The following DACH2 variants were observed in gnomAD, a reference collection of about 807,000 sequenced individuals.
DACH2 encodes dachshund homolog 2.
A neutral mutation model predicts 35.8 loss-of-function variants in DACH2; 17 were observed. That is an observed-to-expected ratio of 0.48 (90% CI 0.33 to 0.71). The LOEUF is 0.71. Among genes scored for constraint, DACH2 ranks in the 30% least tolerant of loss-of-function variants. The pLI, the probability that DACH2 is intolerant of heterozygous loss-of-function variation, is 0.02. For synonymous variants in DACH2, 195 were observed against 177.3 expected, an observed-to-expected ratio of 1.10 and a Z score of -0.79; for missense variants, 469 against 472.7, an observed-to-expected ratio of 0.99 and a Z score of 0.07.
intron 2 of DACH2, among the ~76,000 whole-genome samples, chrX:86,434,251 A>G (rs2037030981): frequency 8.9e-6 from 1 of 111,846 alleles, no homozygotes; most frequent in East Asian, 2.8e-4. Context: ...TACATGAGAT[A>G]TTTTGATATG....
At chrX:86,263,062 GA>G (rs1041521898) in intron 1 of DACH2, 2 of 647,274 alleles carry the variant, frequency 3.1e-6, no homozygotes, top group Non-Finnish European at 3.7e-6. Flanking sequence ...AGAAAAAGGA[GA>G]AAAAAGCATC....
chrX:86,565,708 A>T (rs1220308021), intron 3 of DACH2, among the ~76,000 whole-genome samples: 1 of 111,997 alleles, frequency 8.9e-6, no homozygotes, highest in African/African-American at 3.2e-5. Flanking sequence ...AGGTATGGAA[A>T]CACAAGTGAC....
chrX:86,394,494 G>A (rs1333315963), intron 2 of DACH2, among the ~76,000 whole-genome samples: 1 of 111,217 alleles, frequency 9.0e-6, no homozygotes, highest in African/African-American at 3.3e-5. Flanking sequence ...ATTGATGCTA[G>A]TCAAGTTTCA....
intron 3 of DACH2, among the ~76,000 whole-genome samples, chrX:86,645,905 G>C (rs1159006306): frequency 1.8e-5 from 2 of 110,664 alleles, no homozygotes; most frequent in Non-Finnish European, 3.8e-5. Context: ...TACTTTAGGG[G>C]AGAGGGTGGT....
chrX:86,190,578 G>A (rs1188950307), intron 1 of DACH2, among the ~76,000 whole-genome samples: 1 of 112,210 alleles, frequency 8.9e-6, no homozygotes, highest in East Asian at 2.8e-4. Context: ...AATGCTCAAT[G>A]TTACTTATCA....
intron 2 of DACH2, among the ~76,000 whole-genome samples, chrX:86,458,240 AG>A (rs2037509121): frequency 9.0e-6 from 1 of 111,593 alleles, no homozygotes; most frequent in Non-Finnish European, 1.9e-5. Context: ...TCATGGTAAA[AG>A]TTTCCAATAA....
intron 1 of DACH2, among the ~76,000 whole-genome samples, chrX:86,320,730 G>A (rs1461270471): frequency 8.9e-6 from 1 of 112,095 alleles, no homozygotes; most frequent in African/African-American, 3.2e-5. Context: ...GTAGCCATTG[G>A]CTTTTGATCT....
At chrX:86,223,163 G>T (rs896109761) in intron 1 of DACH2, among the ~76,000 whole-genome samples, 9 of 111,774 alleles carry the variant, frequency 8.1e-5, no homozygotes, top group African/African-American at 2.9e-4. Context: ...TCACTGGTTT[G>T]TAAACAGTAA....
chrX:86,295,742 C>G (rs774382615), intron 1 of DACH2, among the ~76,000 whole-genome samples: 8 of 111,195 alleles, frequency 7.2e-5, no homozygotes, highest in Non-Finnish European at 1.5e-4. Flanking sequence ...TGATTTCTGT[C>G]TCCTCAGACA....
At chrX:86,803,087 T>C (rs916643000) in intron 7 of DACH2, among the ~76,000 whole-genome samples, 1 of 112,054 alleles carries the variant, frequency 8.9e-6, no homozygotes, top group Admixed American at 9.6e-5. Context: ...CAGAAGTTCT[T>C]GTTTTTCTTT....
chrX:86,420,103 T>G (rs2148156358), intron 2 of DACH2, among the ~76,000 whole-genome samples: 1 of 111,997 alleles, frequency 8.9e-6, no homozygotes, highest in Non-Finnish European at 1.9e-5. Context: ...CATACAGTTT[T>G]TCTGTTGGCT....
intron 3 of DACH2, among the ~76,000 whole-genome samples, chrX:86,559,536 G>A (rs1398577228): frequency 6.5e-5 from 1 of 15,340 alleles, no homozygotes; most frequent in African/African-American, 3.7e-4. Context: ...TGTTGACAGT[G>A]GGGTGTTAAA....
At chrX:86,398,139 T>G (rs778512282) in intron 2 of DACH2, among the ~76,000 whole-genome samples, 119 of 112,220 alleles carry the variant, frequency 1.1e-3, no homozygotes, top group Non-Finnish European at 1.4e-3. Context: ...GTCGAGGAAT[T>G]TATCCATTTC....
chrX:86,334,582 T>C (rs2035269888), intron 1 of DACH2, among the ~76,000 whole-genome samples: 1 of 112,577 alleles, frequency 8.9e-6, no homozygotes, highest in African/African-American at 3.2e-5. Flanking sequence ...GTTCATATTC[T>C]TCACCCACTT....
chrX:86,815,542 C>G (rs1394747533), intron 10 of DACH2, among the ~76,000 whole-genome samples: 1 of 107,724 alleles, frequency 9.3e-6, no homozygotes, highest in South Asian at 4.0e-4. Flanking sequence ...GACCACAAAC[C>G]ATAATGAGTA....
chrX:86,290,989 T>A, intron 1 of DACH2, among the ~76,000 whole-genome samples: 1 of 108,239 alleles, frequency 9.2e-6, no homozygotes, highest in Non-Finnish European at 1.9e-5. Context: ...ATGGGGATGG[T>A]ATTGAATCTG....
At chrX:86,308,272 C>G (rs1434276733) in intron 1 of DACH2, among the ~76,000 whole-genome samples, 2 of 112,782 alleles carry the variant, frequency 1.8e-5, no homozygotes, top group Non-Finnish European at 3.7e-5. Context: ...ACCACAATTA[C>G]TCAGCTACAA....
At chrX:86,372,274 A>T (rs1186713758) in intron 1 of DACH2, among the ~76,000 whole-genome samples, 1 of 110,583 alleles carries the variant, frequency 9.0e-6, no homozygotes, top group Non-Finnish European at 1.9e-5. Context: ...AGTACATATG[A>T]CTTTTTTTTA....
intron 1 of DACH2, among the ~76,000 whole-genome samples, chrX:86,287,219 G>C: frequency 9.0e-6 from 1 of 111,509 alleles, no homozygotes; most frequent in Non-Finnish European, 1.9e-5. Flanking sequence ...CTCTTTACTG[G>C]CCTGTGAGGT....
Sources: gnomAD v4.1 joint callset for allele counts (sites outside exome capture counted in the v4.1 genomes callset) on GRCh38, gnomAD v4.1.1 for gene constraint, MANE v1.5 for transcripts, NCBI Gene and HGNC (gene_info 2026-07-23, HGNC 2026-07-21) for gene names.